The following NDUFV3 variants were observed in gnomAD, a reference collection of about 807,000 sequenced individuals.
NDUFV3 encodes the protein NADH dehydrogenase [ubiquinone] flavoprotein 3, mitochondrial.
A neutral mutation model predicts 37.5 loss-of-function variants in NDUFV3; 44 were observed. The ratio of observed to expected loss-of-function variants is 1.17; its 90% CI spans 0.92 to 1.51. The LOEUF is 1.51. Ranked by LOEUF, NDUFV3 falls within the 40% of genes most tolerant of loss-of-function variation. The pLI is 0.00. For synonymous variants in NDUFV3, 235 were observed against 239.3 expected (o/e 0.98, Z 0.17); for missense variants, 580 against 580.4 (o/e 1.00, Z 0.01).
intron 1 of NDUFV3, among the ~76,000 whole-genome samples, chr21:42,896,358 G>A (rs1454369959): frequency 2.7e-5 from 4 of 146,780 alleles, no homozygotes; most frequent in East Asian, 3.9e-4. Context: ...GGGTTTCACC[G>A]TGTTAGCCAG....
In NDUFV3 at chr21:42,903,300, A is replaced by G. The variant is rs1163143944; in HGVS notation, c.288A>G (p.Val96=). ...CAGCTGTGAATAAGGGCAGGAAGGT[A>G]GCTAGTCCCAGTCCCAGTGGCAGCG... ...YPPAVNKGRK[V]ASPSPSGSVL... is the part of the protein sequence containing the mutation. The change falls in exon 3 of 4, where the codon GTA becomes GTG. Residue 96 remains valine (V), a synonymous_variant. Transcript: ENST00000354250. The G allele has an allele frequency of 6.2e-7, 1 of 1,614,214 alleles. No individual in the cohort carries two copies. Among genetic ancestry groups the G allele is most frequent in the Admixed American group, 1.7e-5 (1 of 60,016 alleles).
At chr21:42,897,802 G>A (rs907973404) in intron 2 of NDUFV3, among the ~76,000 whole-genome samples, 9 of 152,084 alleles carry the variant, frequency 5.9e-5, no homozygotes, top group Admixed American at 5.9e-4. Context: ...TCGGCCTCCT[G>A]AGTAGCTGGG....
chr21:42,898,697 C>T (rs534195206), intron 2 of NDUFV3, among the ~76,000 whole-genome samples: 1 of 152,270 alleles, frequency 6.6e-6, no homozygotes, highest in South Asian at 2.1e-4. Context: ...TCTTGAATTC[C>T]TGGGCTCAAG....
chr21:42,903,967 G>C lies in NDUFV3; in HGVS notation c.955G>C (p.Glu319Gln), dbSNP rs111711197. ...PAVLAEEARA[E>Q]GQLQASPPGA... Reference sequence around the variant, plus strand: ...TGTGTTGGCAGAAGAGGCCAGAGCAGAGGGGCAGCTGCAAGCCAGTCCTCC... The same window carrying C: ...TGTGTTGGCAGAAGAGGCCAGAGCACAGGGGCAGCTGCAAGCCAGTCCTCC... Residue 319 changes from glutamate (E) to glutamine (Q), a missense_variant, in exon 3 of 4, where the codon GAG becomes CAG. Glu to Gln is a conservative substitution (Grantham distance 29). Coordinates refer to ENST00000354250, the MANE Select transcript of NDUFV3 (RefSeq NM_021075.4). The C allele has an allele frequency of 1.7e-5, 28 of 1,614,020 alleles. No homozygotes were observed. The African/African-American group carries it at 3.5e-4, about 20-fold the overall frequency.
intron 2 of NDUFV3, among the ~76,000 whole-genome samples, chr21:42,898,558 C>A (rs8126478): frequency 0.22 from 33,972 of 152,138 alleles, 4,852 homozygotes; most frequent in African/African-American, 0.41. Flanking sequence ...CAGCCTCGAC[C>A]TTCCAAGCTC....
rs1188694552 is a variant in NDUFV3, at chr21:42,913,235, G to GT, written c.*4215dup. 6.6e-6 allele frequency: 1 copy of GT among 152,122 alleles called. No individual in the cohort carries two copies. The highest frequency in any genetic ancestry group is 2.4e-5 in the African/African-American group (1 of 41,408). The allele number at this position is 152,122 out of a possible 1,614,324, so 9.4% of individuals were successfully genotyped here. On this transcript the variant is annotated 3_prime_UTR_variant, in exon 4 of 4. Transcript: ENST00000354250. ...TAAAAAATTCACAACTGCTAAAACA[G>GT]TGTTCCTTCTAGTGTAATTTTCACC...
In NDUFV3 at chr21:42,909,185, A is replaced by AG. The variant is rs2058757709; in HGVS notation, c.*166dup. 1.4e-5 allele frequency: 10 copies of AG among 699,890 alleles called. No individual in the cohort carries two copies. Among genetic ancestry groups the AG allele is most frequent in the Non-Finnish European group, 2.2e-5 (10 of 451,012 alleles). 43.4% of individuals were successfully genotyped at this position (699,890 alleles called of 1,614,324 possible). The stretch of plus-strand genomic sequence containing the variant: ...GAGACAGGGTCTCACTCTGTCACCC[A>AG]GGCTGGAGTGCAGTGGCACATTCTC... On this transcript the variant is annotated 3_prime_UTR_variant, in exon 4 of 4. Coordinates refer to ENST00000354250, the MANE Select transcript of NDUFV3 (RefSeq NM_021075.4).
chr21:42,901,034 A>G (rs2058715933), intron 2 of NDUFV3, among the ~76,000 whole-genome samples: 1 of 152,218 alleles, frequency 6.6e-6, no homozygotes, highest in African/African-American at 2.4e-5. Context: ...GAGTATGTCC[A>G]GAAGCCACAG....
intron 2 of NDUFV3, among the ~76,000 whole-genome samples, chr21:42,898,661 A>C (rs1264272566): frequency 1.3e-5 from 2 of 152,146 alleles, no homozygotes; most frequent in Non-Finnish European, 2.9e-5. Flanking sequence ...CATACAGATG[A>C]AGTCTCACTG....
At chr21:42,897,397 T>G (rs1236070268) in intron 2 of NDUFV3, among the ~76,000 whole-genome samples, 1 of 147,078 alleles carries the variant, frequency 6.8e-6, no homozygotes, top group Non-Finnish European at 1.5e-5. Context: ...CATCCTCTGA[T>G]GCTGAGTTGT....
At chr21:42,896,144 T>C (rs2058689820) in intron 1 of NDUFV3, among the ~76,000 whole-genome samples, 1 of 141,226 alleles carries the variant, frequency 7.1e-6, no homozygotes, top group Non-Finnish European at 1.5e-5. Context: ...CCACCGTGCC[T>C]GGCTAAATTT....
At chr21:42,894,279 AACT>A (rs1205129361) in intron 1 of NDUFV3, among the ~76,000 whole-genome samples, 1 of 121,018 alleles carries the variant, frequency 8.3e-6, no homozygotes, top group Non-Finnish European at 1.6e-5. Flanking sequence ...CAAAAGCAGT[AACT>A]ATTCCCTGCA....
At chr21:42,906,378 C>T (rs1395377731) in intron 3 of NDUFV3, among the ~76,000 whole-genome samples, 1 of 152,096 alleles carries the variant, frequency 6.6e-6, no homozygotes, top group East Asian at 1.9e-4. Context: ...TTACATGACG[C>T]CTTCTTGTTC....
rs1453437247 is a variant in NDUFV3, at chr21:42,911,484, T to A, written c.*2463T>A. 2 of 116,706 alleles carry A rather than the reference T, an allele frequency of 1.7e-5. No individual in the cohort carries two copies. Among genetic ancestry groups the A allele is most frequent in the African/African-American group, 6.4e-5 (2 of 31,134 alleles). The allele number at this position is 116,706 out of a possible 1,614,324, so 7.2% of individuals were successfully genotyped here. A position where few individuals can be genotyped will look rare whatever the true frequency, so the allele number is the denominator to read the frequency against. ...TTTTTTTTTTTTGAGACAGCCTCAC[T>A]CTTGCCCGGAGGAGTGGTGCGATCT... On this transcript the variant is annotated 3_prime_UTR_variant, in exon 4 of 4. Coordinates refer to ENST00000354250, the MANE Select transcript of NDUFV3 (RefSeq NM_021075.4).
chr21:42,896,331 T>C (rs1428650475), intron 1 of NDUFV3, among the ~76,000 whole-genome samples: 1 of 151,938 alleles, frequency 6.6e-6, no homozygotes, highest in African/African-American at 2.4e-5. Context: ...TAATTTTTTG[T>C]ATTTTTAGTA....
At chr21:42,905,862 C>CT (rs2058738900) in intron 3 of NDUFV3, among the ~76,000 whole-genome samples, 3 of 109,124 alleles carry the variant, frequency 2.7e-5, no homozygotes, top group African/African-American at 1.2e-4. Flanking sequence ...ATGATGTTAC[C>CT]ATTTTTTTTT....
At chr21:42,901,357 A>T (rs1324790208) in intron 2 of NDUFV3, among the ~76,000 whole-genome samples, 1 of 151,876 alleles carries the variant, frequency 6.6e-6, no homozygotes, top group East Asian at 1.9e-4. Context: ...CAGGAGAATC[A>T]CTTGAACCCA....
intron 2 of NDUFV3, among the ~76,000 whole-genome samples, chr21:42,899,007 T>C (rs529865850): frequency 1.2e-4 from 19 of 152,318 alleles, no homozygotes; most frequent in Admixed American, 1.2e-3. Flanking sequence ...TCTGTGGCCA[T>C]CTGGGTTGTG....
chr21:42,903,405 A>C lies in NDUFV3; in HGVS notation c.393A>C (p.Pro131=), dbSNP rs757781446. 1.2e-6 allele frequency: 2 copies of C among 1,614,022 alleles called. No homozygotes were observed. The highest frequency in any genetic ancestry group is 2.2e-5 in the South Asian group (2 of 91,088). Residue 131 remains proline (P), a synonymous_variant, in exon 3 of 4, where the codon CCA becomes CCC. Coordinates refer to ENST00000354250, the MANE Select transcript of NDUFV3 (RefSeq NM_021075.4). ...LVEFPQKVLS[P]FRKQGSDSEA... ...AGTTTCCACAGAAAGTTCTGTCTCC[A>C]TTCAGAAAACAGGGCTCTGATTCAG...
Sources: allele counts gnomAD v4.1 joint callset (sites outside exome capture counted in the v4.1 genomes callset), GRCh38; gene constraint gnomAD v4.1.1; transcripts MANE v1.5; gene names NCBI Gene and HGNC (gene_info 2026-07-23, HGNC 2026-07-21).